CUX1: variants seen among roughly 807,000 people sequenced by gnomAD.
CUX1 encodes protein CASP.
A neutral mutation model predicts 158.8 loss-of-function variants in CUX1; 31 were observed. The ratio of observed to expected loss-of-function variants is 0.20; its 90% CI spans 0.15 to 0.26. The LOEUF (loss-of-function observed/expected upper bound fraction) is 0.26, where lower values mean the gene tolerates loss of function less well. CUX1 is among the 10% of genes least tolerant of loss of function. The pLI is 1.00. For synonymous variants in CUX1, 879 were observed against 862.1 expected, an observed-to-expected ratio of 1.02 and a Z score of -0.34; for missense variants, 1,589 against 2,014.6, an observed-to-expected ratio of 0.79 and a Z score of 4.04.
intron 20 of CUX1, among the ~76,000 whole-genome samples, chr7:102,220,075 C>G (rs1400320457): frequency 6.6e-6 from 1 of 152,076 alleles, no homozygotes; most frequent in African/African-American, 2.4e-5. Context: ...GGGCCGGGCA[C>G]AGGGCCGGGC....
At chr7:102,216,906 C>T (rs1390387054) in intron 20 of CUX1, among the ~76,000 whole-genome samples, 1 of 143,516 alleles carries the variant, frequency 7.0e-6, no homozygotes, top group Non-Finnish European at 1.5e-5. Flanking sequence ...CACACACACA[C>T]ATTTGCAGTG....
intron 5 of CUX1, among the ~76,000 whole-genome samples, chr7:102,100,928 G>A (rs949461261): frequency 4.6e-5 from 7 of 152,186 alleles, no homozygotes; most frequent in East Asian, 1.9e-4. Context: ...GTATGAGCAC[G>A]ATGCCAGCCT....
chr7:101,851,573 C>T (rs1283791104), intron 1 of CUX1, among the ~76,000 whole-genome samples: 1 of 152,234 alleles, frequency 6.6e-6, no homozygotes, highest in Middle Eastern at 3.2e-3. Flanking sequence ...TTGGAAAACA[C>T]TTCCTGCAGA....
intron 1 of CUX1, among the ~76,000 whole-genome samples, chr7:101,877,675 A>G (rs955581890): frequency 6.6e-6 from 1 of 151,686 alleles, no homozygotes; most frequent in African/African-American, 2.4e-5. Context: ...TGACAGAACG[A>G]GACTCTGTTT....
intron 1 of CUX1, among the ~76,000 whole-genome samples, chr7:101,889,272 A>G (rs1800590598): frequency 8.5e-6 from 1 of 116,972 alleles, no homozygotes; most frequent in Non-Finnish European, 1.8e-5. Context: ...AAAAAAAAAA[A>G]AAAAAGTGCT....
chr7:101,970,392 T>C (rs1273600710), intron 2 of CUX1, among the ~76,000 whole-genome samples: 4 of 152,080 alleles, frequency 2.6e-5, no homozygotes, highest in Admixed American at 1.3e-4. Flanking sequence ...TGTTCCCACC[T>C]GCAGTTCCTA....
intron 2 of CUX1, among the ~76,000 whole-genome samples, chr7:101,995,989 T>C (rs1239259254): frequency 6.6e-6 from 1 of 151,972 alleles, no homozygotes. Flanking sequence ...GGTGCACACC[T>C]GTAGCCCAGC....
intron 7 of CUX1, among the ~76,000 whole-genome samples, chr7:102,114,146 G>C (rs1270412816): frequency 3.3e-5 from 5 of 152,160 alleles, no homozygotes; most frequent in African/African-American, 9.7e-5. Context: ...AGGGAAAAAG[G>C]CTAGTCTCAA....
chr7:102,005,692 T>G (rs1321978867), intron 2 of CUX1, among the ~76,000 whole-genome samples: 1 of 152,124 alleles, frequency 6.6e-6, no homozygotes, highest in African/African-American at 2.4e-5. Context: ...TTCACCCCAC[T>G]GATGCTGGGT....
chr7:101,978,957 G>A (rs1377774644), intron 2 of CUX1, among the ~76,000 whole-genome samples: 1 of 152,220 alleles, frequency 6.6e-6, no homozygotes, highest in Non-Finnish European at 1.5e-5. Flanking sequence ...GTAAACATCT[G>A]TTGATGGGCT....
chr7:102,232,225 A>T (rs1490637073), intron 21 of CUX1, among the ~76,000 whole-genome samples: 1 of 152,138 alleles, frequency 6.6e-6, no homozygotes, highest in East Asian at 1.9e-4. Flanking sequence ...GCACACCTGT[A>T]ATCCCAGCTA....
At chr7:101,897,140 G>A (rs1001199084) in intron 1 of CUX1, among the ~76,000 whole-genome samples, 1 of 152,254 alleles carries the variant, frequency 6.6e-6, no homozygotes, top group African/African-American at 2.4e-5. Context: ...GAAGCAGGAA[G>A]TGTGTTTCAT....
At chr7:101,889,407 T>C (rs1800613097) in intron 1 of CUX1, among the ~76,000 whole-genome samples, 1 of 152,228 alleles carries the variant, frequency 6.6e-6, no homozygotes, top group Non-Finnish European at 1.5e-5. Context: ...AAAACACTTT[T>C]ACTTACTTCC....
At chr7:102,026,061 C>G (rs1819986866) in intron 2 of CUX1, among the ~76,000 whole-genome samples, 1 of 152,144 alleles carries the variant, frequency 6.6e-6, no homozygotes, top group African/African-American at 2.4e-5. Context: ...CGCCTGTAGT[C>G]CCAGCTACTT....
chr7:101,965,095 C>T (rs753283825), intron 2 of CUX1, among the ~76,000 whole-genome samples: 29 of 152,310 alleles, frequency 1.9e-4, no homozygotes, highest in Non-Finnish European at 2.2e-4. Context: ...AAGTCATTCC[C>T]GTGCCTTGCC....
chr7:101,910,482 C>A (rs1347959188), intron 1 of CUX1, among the ~76,000 whole-genome samples: 1 of 152,072 alleles, frequency 6.6e-6, no homozygotes, highest in Non-Finnish European at 1.5e-5. Flanking sequence ...CCAAGCCAGG[C>A]ATGGTGGCTT....
rs901045622 is a variant in CUX1 at position 101,916,060 on chromosome 7, C to T, written c.31-55C>T. The T allele has an allele frequency of 8.7e-6, 11 of 1,259,878 alleles. No homozygotes were observed. In the African/African-American group the frequency reaches 1.6e-4, roughly 19 times the overall value. 78.0% of individuals were successfully genotyped at this position (1,259,878 alleles called of 1,614,324 possible). On this transcript the variant is annotated intron_variant, in intron 1 of 23. Coordinates refer to ENST00000292535, the MANE Select transcript of CUX1 (RefSeq NM_181552.4). The surrounding 1 kb of genome is among the most constrained non-coding windows in gnomAD (Gnocchi z 4.4). ...CTGGTCAAATGCAAATAGGACCCTC[C>T]TCTAGTACACAGTGCAATTACAATC...
At chr7:102,036,264 A>C (rs1278435211) in intron 3 of CUX1, among the ~76,000 whole-genome samples, 13 of 152,076 alleles carry the variant, frequency 8.5e-5, no homozygotes, top group Admixed American at 7.2e-4. Context: ...CCCCAGCAAG[A>C]ATCTTAATGA....
chr7:101,898,940 C>T lies in CUX1; in HGVS notation c.31-17175C>T, dbSNP rs938832309. Among the ~76,000 whole-genome samples, 7 of 152,326 alleles carry T rather than the reference C, an allele frequency of 4.6e-5. No homozygotes were observed. In the East Asian group the frequency reaches 9.7e-4, roughly 21 times the overall value. On this transcript the variant is annotated intron_variant, in intron 1 of 23. Transcript: ENST00000292535. The stretch of plus-strand genomic sequence containing the variant: ...CTTGGAAGAATAACATACTGAGTGG[C>T]GTGGAAGGCGTTGGTGCACATAGGT...
Sources: allele counts gnomAD v4.1 joint callset (sites outside exome capture counted in the v4.1 genomes callset), GRCh38; gene constraint gnomAD v4.1.1; non-coding constraint Gnocchi (gnomAD v3.1); transcripts MANE v1.5; gene names NCBI Gene and HGNC (gene_info 2026-07-23, HGNC 2026-07-21).